The following PHACTR2 variants were observed in gnomAD, a reference collection of about 807,000 sequenced individuals.
PHACTR2 encodes the protein phosphatase and actin regulator 2, also known as chromosome 6 open reading frame 56.
Under a neutral mutation model 76.0 loss-of-function variants are expected in PHACTR2, and 30 were observed. The ratio of observed to expected loss-of-function variants is 0.39; its 90% CI spans 0.30 to 0.54. The LOEUF (loss-of-function observed/expected upper bound fraction) is 0.54, where lower values mean the gene tolerates loss of function less well. PHACTR2 is among the 20% of genes least tolerant of loss of function. The pLI, the probability that PHACTR2 is intolerant of heterozygous loss-of-function variation, is 0.61. For missense variants in PHACTR2, 696 were observed against 781.1 expected (o/e 0.89, Z 1.30); for synonymous variants, 292 against 292.5 (o/e 1.00, Z 0.02).
chr6:143,589,323 C>A lies in PHACTR2; in HGVS notation c.217+52116C>A, dbSNP rs573023111. Among the ~76,000 whole-genome samples the A allele has an allele frequency of 2.0e-5, 3 of 152,070 alleles. No homozygotes were observed. Among genetic ancestry groups the A allele is most frequent in the African/African-American group, 7.2e-5 (3 of 41,404 alleles). On this transcript the variant is annotated intron_variant, in intron 1 of 11. Transcript: ENST00000367584. This position sits in a 1 kb window ranked among gnomAD's most constrained non-coding sequence, Gnocchi z 4.4. The stretch of plus-strand genomic sequence containing the variant: ...TGTCATGATAGTGAATGACTTCTCA[C>A]GATATCTGGTTGTTTAAAAGTGTGG...
rs2128425908 is a variant in PHACTR2, at chr6:143,537,179, C to T, written c.189C>T (p.Arg63=). The T allele has an allele frequency of 3.3e-6, 1 of 303,376 alleles. No individual in the cohort carries two copies. The highest frequency in any genetic ancestry group is 6.4e-6 in the Non-Finnish European group (1 of 156,086). 18.8% of individuals were successfully genotyped at this position (303,376 alleles called of 1,614,324 possible). Residue 63 remains arginine, a synonymous_variant, in exon 1 of 12, where the codon CGC becomes CGT. Coordinates refer to the PHACTR2 transcript ENST00000367584. The surrounding 1 kb of genome is among the most constrained non-coding windows in gnomAD (Gnocchi z 4.4). ...TCTCGTCGTCCTCGAGCAGGGGCCG[C>T]CCGCTCCGGGTCCACATCTCCGGCT...
chr6:143,537,123 C>A lies in PHACTR2; in HGVS notation c.133C>A (p.Pro45Thr). ...TGCCCTGCGCTGGCTTCCCGGGGAC[C>A]CGAGCCCCCGCGGCCGCTCACAGAG... The change falls in exon 1 of 12, where the codon CCG (proline) becomes ACG (threonine). Residue 45 changes from proline to threonine, a missense_variant. By Grantham distance (38) the Pro-to-Thr change is conservative. Transcript: ENST00000367584. The surrounding 1 kb of genome is among the most constrained non-coding windows in gnomAD (Gnocchi z 4.4). The A allele has an allele frequency of 3.2e-6, 1 of 311,012 alleles. No individual in the cohort carries two copies. Among genetic ancestry groups the A allele is most frequent in the South Asian group, 3.8e-5 (1 of 26,570 alleles). 19.3% of individuals were successfully genotyped at this position (311,012 alleles called of 1,614,324 possible).
At chr6:143,788,660 T>A (rs1775608768) in intron 10 of PHACTR2, 113 bp from the exon 11 acceptor site, 1 of 615,198 alleles carries the variant, frequency 1.6e-6, no homozygotes, top group African/African-American at 1.9e-5. Flanking sequence ...TTTTTTTTGA[T>A]CTGAAAGTGA....
At position 143,749,193 on chromosome 6, in the gene PHACTR2, C is replaced by T. The variant is rs913249361; in HGVS notation, c.295+128C>T. The T allele has an allele frequency of 2.5e-5, 15 of 597,588 alleles. No individual in the cohort carries two copies. The Middle Eastern group carries it at 1.7e-3, about 69-fold the overall frequency. 37.0% of individuals were successfully genotyped at this position (597,588 alleles called of 1,614,324 possible). Reference sequence around the variant, plus strand: ...AAAGCGGTGATTACTGCATTCCAAGCGCCGTGCTTCCATTGGTAATGCCTT... The same window carrying T: ...AAAGCGGTGATTACTGCATTCCAAGTGCCGTGCTTCCATTGGTAATGCCTT... On this transcript the variant is annotated intron_variant, in intron 3 of 12. Coordinates refer to ENST00000440869, the MANE Select transcript of PHACTR2 (RefSeq NM_001100164.2).
At position 143,628,954 on chromosome 6, in the gene PHACTR2, T is replaced by G. The variant is rs1436325812; in HGVS notation, c.13+20632T>G. ...ATATATATATATATATATATATATATATATATATATATATATATATATATA... is the reference window on the plus strand; with the variant it reads ...ATATATATATATATATATATATATAGATATATATATATATATATATATATA... On this transcript the variant is annotated intron_variant, in intron 1 of 11. Coordinates refer to the PHACTR2 transcript ENST00000305766. Among the ~76,000 whole-genome samples the G allele has an allele frequency of 2.5e-4, 15 of 59,408 alleles. 1 individual carries two copies. Among genetic ancestry groups the G allele is most frequent in the South Asian group, 1.8e-3 (4 of 2,220 alleles). 39.0% of individuals were successfully genotyped at this position (59,408 alleles called of 152,430 possible).
At chr6:143,796,591 T>C (rs560977085) in intron 11 of PHACTR2, among the ~76,000 whole-genome samples, 1 of 151,864 alleles carries the variant, frequency 6.6e-6, no homozygotes, top group African/African-American at 2.4e-5. Flanking sequence ...CCCCAGTGTG[T>C]GATGTTCCCC....
At position 143,772,417 on chromosome 6, in the gene PHACTR2, T is replaced by C. The variant is rs764836804; in HGVS notation, c.1392T>C (p.Asp464=). ...SDSDGPILYT[D]DEDEDEDEDG... is the part of the protein sequence containing the mutation. ...CGGACGGGCCTATCTTGTACACCGA[T>C]GATGAGGACGAAGACGAAGATGAGG... The change falls in exon 7 of 13, where the codon GAT becomes GAC. Residue 464 remains aspartate, a synonymous_variant. Coordinates refer to ENST00000440869, the MANE Select transcript of PHACTR2 (RefSeq NM_001100164.2). The surrounding 1 kb of genome is among the most constrained non-coding windows in gnomAD (Gnocchi z 5.4). 5 of 1,613,870 alleles carry C rather than the reference T, an allele frequency of 3.1e-6. No homozygotes were observed. The African/African-American group carries it at 6.7e-5, about 22-fold the overall frequency.
At chr6:143,771,104 G>A (rs1345714141) in intron 6 of PHACTR2, among the ~76,000 whole-genome samples, 1 of 120,828 alleles carries the variant, frequency 8.3e-6, no homozygotes, top group Non-Finnish European at 1.7e-5. Flanking sequence ...TGGGATAAAA[G>A]CAGGATTAAT....
chr6:143,712,110 C>G lies in PHACTR2; in HGVS notation c.141C>G (p.Thr47=). The G allele has an allele frequency of 6.3e-7, 1 of 1,593,406 alleles. No individual in the cohort carries two copies. Among genetic ancestry groups the G allele is most frequent in the South Asian group, 1.2e-5 (1 of 86,662 alleles). Residue 47 remains threonine, a synonymous_variant, in exon 2 of 13, where the codon ACC becomes ACG. Coordinates refer to ENST00000440869, the MANE Select transcript of PHACTR2 (RefSeq NM_001100164.2). ...PPFKRKGKLS[T]IGKIFKPWKW... ...TCAAAAGAAAGGGGAAACTATCCACCATTGGTAAAATCTTTAAGCCTTGGA... is the reference window on the plus strand; with the variant it reads ...TCAAAAGAAAGGGGAAACTATCCACGATTGGTAAAATCTTTAAGCCTTGGA...
chr6:143,795,862 A>G lies in PHACTR2; in HGVS notation c.1845+6952A>G, dbSNP rs531224321. Among the ~76,000 whole-genome samples, 1 of 152,332 alleles carries G rather than the reference A, an allele frequency of 6.6e-6. No individual in the cohort carries two copies. The highest frequency in any genetic ancestry group is 1.9e-4 in the East Asian group (1 of 5,178). ...AAATGGTAGCTATTACCAATATTATACTCATAGTCAGGGATGAGAAGCCAA... is the reference window on the plus strand; with the variant it reads ...AAATGGTAGCTATTACCAATATTATGCTCATAGTCAGGGATGAGAAGCCAA... On this transcript the variant is annotated intron_variant, in intron 11 of 12. Coordinates refer to ENST00000440869, the MANE Select transcript of PHACTR2 (RefSeq NM_001100164.2). The surrounding 1 kb of genome is among the most constrained non-coding windows in gnomAD (Gnocchi z 4.8).
chr6:143,773,263 AT>A (rs1158356716), intron 7 of PHACTR2, among the ~76,000 whole-genome samples: 3 of 152,196 alleles, frequency 2.0e-5, no homozygotes, highest in African/African-American at 7.2e-5. Context: ...ATTAAAAAAA[AT>A]CATACTTCCA....
chr6:143,722,370 T>C lies in PHACTR2; in HGVS notation c.214+10187T>C, dbSNP rs1199688698. Among the ~76,000 whole-genome samples the C allele has an allele frequency of 6.6e-6, 1 of 152,206 alleles. No individual in the cohort carries two copies. Among genetic ancestry groups the C allele is most frequent in the African/African-American group, 2.4e-5 (1 of 41,468 alleles). ...CTGTCCTCCATGATATCTGGTTTTATACCATTTTGTGGGTGTTTTCTTCTC... is the reference window on the plus strand; with the variant it reads ...CTGTCCTCCATGATATCTGGTTTTACACCATTTTGTGGGTGTTTTCTTCTC... On this transcript the variant is annotated intron_variant, in intron 2 of 12. Transcript: ENST00000440869. This position sits in a 1 kb window ranked among gnomAD's most constrained non-coding sequence, Gnocchi z 4.1.
Position 143,627,527 on chromosome 6 carries a change from A to G in PHACTR2, c.13+19205A>G, listed in dbSNP as rs1776280901. Reference sequence around the variant, plus strand: ...ATTTTTGTATTAAGGTGAGATTCGCATGACATAAAATTAACTATTTTGAAG... The same window carrying G: ...ATTTTTGTATTAAGGTGAGATTCGCGTGACATAAAATTAACTATTTTGAAG... On this transcript the variant is annotated intron_variant, in intron 1 of 11. Transcript: ENST00000305766. The surrounding 1 kb of genome is among the most constrained non-coding windows in gnomAD (Gnocchi z 4.3). Among the ~76,000 whole-genome samples, 1 of 152,026 alleles carries G rather than the reference A, an allele frequency of 6.6e-6. No individual in the cohort carries two copies. The highest frequency in any genetic ancestry group is 1.5e-5 in the Non-Finnish European group (1 of 68,024).
chr6:143,571,422 T>A lies in PHACTR2; in HGVS notation c.217+34215T>A, dbSNP rs991288000. 6.6e-6 allele frequency among the ~76,000 whole-genome samples: 1 copy of A among 152,226 alleles called. No individual in the cohort carries two copies. The highest frequency in any genetic ancestry group is 1.5e-5 in the Non-Finnish European group (1 of 68,034). ...CCATTACTATCTACTTTATTTCTTTTTTTAGAGACCCTCCAGCTCTGTCAC... is the reference window on the plus strand; with the variant it reads ...CCATTACTATCTACTTTATTTCTTTATTTAGAGACCCTCCAGCTCTGTCAC... On this transcript the variant is annotated intron_variant, in intron 1 of 11. Coordinates refer to the PHACTR2 transcript ENST00000367584. The surrounding 1 kb of genome is among the most constrained non-coding windows in gnomAD (Gnocchi z 4.6).
chr6:143,629,200 A>G (rs534889084), intron 1 of PHACTR2, among the ~76,000 whole-genome samples: 4 of 152,108 alleles, frequency 2.6e-5, no homozygotes, highest in African/African-American at 9.6e-5. Flanking sequence ...TGAAAATCAT[A>G]TTGGTCATAT....
In PHACTR2 at chr6:143,710,956, G is replaced by T; in HGVS notation, c.47-1060G>T. 6.5e-6 allele frequency: 3 copies of T among 464,470 alleles called. No individual in the cohort carries two copies. Among genetic ancestry groups the T allele is most frequent in the South Asian group, 1.6e-5 (1 of 61,470 alleles). The allele number at this position is 464,470 out of a possible 1,614,324, so 28.8% of individuals were successfully genotyped here. On this transcript the variant is annotated intron_variant, in intron 1 of 12. Transcript: ENST00000440869. This position sits in a 1 kb window ranked among gnomAD's most constrained non-coding sequence, Gnocchi z 4.9. ...TATCTATCCAGTTATTATTTTTGAC[G>T]GACATCAGTACACTTCACCTCTAAA...
In PHACTR2 at chr6:143,689,264, T is replaced by C. The variant is rs1777587984; in HGVS notation, c.46+11055T>C. Among the ~76,000 whole-genome samples the C allele has an allele frequency of 6.6e-6, 1 of 152,220 alleles. No homozygotes were observed. Among genetic ancestry groups the C allele is most frequent in the East Asian group, 1.9e-4 (1 of 5,192 alleles). Reference sequence around the variant, plus strand: ...CACTCAGATGATCTTGTTTGTTTGTTTTATTCATTGTCTCTCTTTTCTAGA... The same window carrying C: ...CACTCAGATGATCTTGTTTGTTTGTCTTATTCATTGTCTCTCTTTTCTAGA... On this transcript the variant is annotated intron_variant, in intron 1 of 12. Coordinates refer to ENST00000440869, the MANE Select transcript of PHACTR2 (RefSeq NM_001100164.2). This position sits in a 1 kb window ranked among gnomAD's most constrained non-coding sequence, Gnocchi z 4.4.
intron 1 of PHACTR2, among the ~76,000 whole-genome samples, chr6:143,632,639 T>G (rs1776382842): frequency 6.6e-6 from 1 of 152,244 alleles, no homozygotes. Flanking sequence ...CTCTTGGTGT[T>G]GTACATTTTA....
Position 143,712,028 on chromosome 6 carries a change from A to C in PHACTR2, c.59A>C (p.Asp20Ala), listed in dbSNP as rs1469171750. 7 of 1,592,266 alleles carry C rather than the reference A, an allele frequency of 4.4e-6. No individual in the cohort carries two copies. Among genetic ancestry groups the C allele is most frequent in the Non-Finnish European group, 6.0e-6 (7 of 1,171,152 alleles). ...SPQPGSVDGL[D>A]KASIANSDGP... The stretch of plus-strand genomic sequence containing the variant: ...TTTCTTTATACAGTTGACGGACTGG[A>C]CAAAGCTTCTATAGCAAACTCAGAT... Residue 20 changes from aspartate to alanine, a missense_variant, in exon 2 of 13, where the codon GAC becomes GCC. Asp to Ala is a moderately radical substitution (Grantham distance 126, BLOSUM62 -2). Transcript: ENST00000440869.
Sources: allele counts gnomAD v4.1 joint callset (sites outside exome capture counted in the v4.1 genomes callset), GRCh38; gene constraint gnomAD v4.1.1; non-coding constraint Gnocchi (gnomAD v3.1); transcripts MANE v1.5; gene names NCBI Gene and HGNC (gene_info 2026-07-23, HGNC 2026-07-21).